The following PTPRG variants were observed in gnomAD, a reference collection of about 807,000 sequenced individuals.
PTPRG encodes protein tyrosine phosphatase receptor type G, also known as receptor-type tyrosine-protein phosphatase gamma.
In PTPRG, 102 loss-of-function variants were observed where a neutral mutation model predicts 165.3. The ratio of observed to expected loss-of-function variants is 0.62; its 90% CI spans 0.53 to 0.73. The LOEUF is 0.73. Ranked by LOEUF, PTPRG falls within the 30% of genes least tolerant of loss-of-function variation. The pLI, the probability that PTPRG is intolerant of heterozygous loss-of-function variation, is 0.00. For missense variants in PTPRG, 1,866 were observed against 1,861.4 expected (o/e 1.00, Z -0.05); for synonymous variants, 675 against 669.5 (o/e 1.01, Z -0.13).
At chr3:61,663,272 A>T (rs1702716527) in intron 1 of PTPRG, among the ~76,000 whole-genome samples, 2 of 152,234 alleles carry the variant, frequency 1.3e-5, no homozygotes, top group African/African-American at 4.8e-5. Flanking sequence ...CCATGAAGGT[A>T]GGGACATGTC....
chr3:61,868,992 G>A (rs2037486717), intron 2 of PTPRG, among the ~76,000 whole-genome samples: 1 of 151,810 alleles, frequency 6.6e-6, no homozygotes, highest in Admixed American at 6.6e-5. Context: ...TGGTGAGTGA[G>A]TCTGGTCTTC....
intron 26 of PTPRG, among the ~76,000 whole-genome samples, chr3:62,279,053 A>G (rs1191285460): frequency 6.6e-6 from 1 of 152,062 alleles, no homozygotes; most frequent in African/African-American, 2.4e-5. Context: ...TCAGAAGGCT[A>G]GATTAGAATC....
intron 2 of PTPRG, among the ~76,000 whole-genome samples, chr3:61,936,678 G>A (rs2039492992): frequency 6.6e-6 from 1 of 152,144 alleles, no homozygotes; most frequent in South Asian, 2.1e-4. Flanking sequence ...TATGAAAGGG[G>A]ATCATCGCTT....
intron 2 of PTPRG, among the ~76,000 whole-genome samples, chr3:61,783,575 A>G (rs974114552): frequency 6.6e-6 from 1 of 152,030 alleles, no homozygotes; most frequent in Non-Finnish European, 1.5e-5. Context: ...TGTCTGGGTG[A>G]TATGTGTGCT....
At chr3:61,880,622 C>CA (rs35846878) in intron 2 of PTPRG, among the ~76,000 whole-genome samples, 19,563 of 79,942 alleles carry the variant, frequency 0.24, 2,472 homozygotes, top group East Asian at 0.53. Flanking sequence ...AACCCTGTCT[C>CA]AAAAAAAAAA....
At chr3:61,677,673 G>A (rs1442482120) in intron 1 of PTPRG, among the ~76,000 whole-genome samples, 2 of 152,108 alleles carry the variant, frequency 1.3e-5, no homozygotes, top group African/African-American at 2.4e-5. Context: ...AAATTTTGCC[G>A]ATTTTCTATT....
chr3:62,199,873 G>A (rs1333517488), intron 10 of PTPRG, among the ~76,000 whole-genome samples: 1 of 152,134 alleles, frequency 6.6e-6, no homozygotes, highest in East Asian at 1.9e-4. Context: ...CCGATGAAGG[G>A]ATAAACAAAA....
At chr3:61,857,560 A>G (rs766578930) in intron 2 of PTPRG, among the ~76,000 whole-genome samples, 22 of 152,136 alleles carry the variant, frequency 1.4e-4, no homozygotes, top group Non-Finnish European at 2.9e-4. Context: ...GTGACTCGAT[A>G]ATTATTTTAT....
At chr3:61,883,233 T>C (rs932732758) in intron 2 of PTPRG, among the ~76,000 whole-genome samples, 1 of 152,216 alleles carries the variant, frequency 6.6e-6, no homozygotes, top group Non-Finnish European at 1.5e-5. Flanking sequence ...AATTATTTGC[T>C]GAACACCATG....
chr3:61,924,797 A>C (rs923158217), intron 2 of PTPRG, among the ~76,000 whole-genome samples: 6 of 152,234 alleles, frequency 3.9e-5, no homozygotes, highest in African/African-American at 1.4e-4. Context: ...GTAGTAAAAA[A>C]GCAACTGTTG....
intron 2 of PTPRG, among the ~76,000 whole-genome samples, chr3:61,956,292 T>TCA (rs2040028460): frequency 8.9e-6 from 1 of 112,518 alleles, no homozygotes; most frequent in Non-Finnish European, 1.9e-5. Flanking sequence ...TCTCTCTCTC[T>TCA]CTCACACACA....
chr3:62,271,619 G>T lies in PTPRG; in HGVS notation c.3182+64G>T, dbSNP rs1702070095. ...GGGGACTTAGGCCTCAGTGACCTTG[G>T]ACCACAATGATTGCTACTGCTTTCA... On this transcript the variant is annotated intron_variant, in intron 21 of 29. Coordinates refer to ENST00000474889, the MANE Select transcript of PTPRG (RefSeq NM_002841.4). This position sits in a 1 kb window ranked among gnomAD's most constrained non-coding sequence, Gnocchi z 4.1. The T allele has an allele frequency of 1.4e-6, 2 of 1,445,574 alleles. No homozygotes were observed. Among genetic ancestry groups the T allele is most frequent in the South Asian group, 1.3e-5 (1 of 74,554 alleles). The allele number at this position is 1,445,574 out of a possible 1,614,324, so 89.5% of individuals were successfully genotyped here. A position where few individuals can be genotyped will look rare whatever the true frequency, so the allele number is the denominator to read the frequency against.
chr3:61,847,043 G>A (rs1018952300), intron 2 of PTPRG, among the ~76,000 whole-genome samples: 1 of 152,254 alleles, frequency 6.6e-6, no homozygotes, highest in South Asian at 2.1e-4. Flanking sequence ...TTCGGTGTTT[G>A]GAGTGGAGTT....
intron 3 of PTPRG, among the ~76,000 whole-genome samples, chr3:61,992,110 A>C (rs1429523213): frequency 6.6e-6 from 1 of 152,202 alleles, no homozygotes; most frequent in Non-Finnish European, 1.5e-5. Flanking sequence ...CTCTCATACA[A>C]CTTATTACTG....
At chr3:62,086,667 G>C (rs1701762795) in intron 5 of PTPRG, among the ~76,000 whole-genome samples, 1 of 152,030 alleles carries the variant, frequency 6.6e-6, no homozygotes, top group African/African-American at 2.4e-5. Flanking sequence ...GAATGTTTTG[G>C]GTTGATTAAG....
At chr3:61,588,003 C>T (rs2106814635) in intron 1 of PTPRG, among the ~76,000 whole-genome samples, 1 of 151,894 alleles carries the variant, frequency 6.6e-6, no homozygotes, top group African/African-American at 2.4e-5. Context: ...GATCCAAATC[C>T]ATGATCACCG....
At chr3:61,680,516 A>C (rs1162730593) in intron 1 of PTPRG, among the ~76,000 whole-genome samples, 4 of 146,466 alleles carry the variant, frequency 2.7e-5, no homozygotes, top group South Asian at 2.3e-4. Flanking sequence ...AAAAAAAAAA[A>C]AACACAAAAA....
intron 4 of PTPRG, among the ~76,000 whole-genome samples, chr3:62,077,912 C>T (rs1419750661): frequency 2.6e-5 from 4 of 151,030 alleles, no homozygotes; most frequent in African/African-American, 7.3e-5. Context: ...GCAGGAGAAT[C>T]GCTTGAACCT....
intron 2 of PTPRG, among the ~76,000 whole-genome samples, chr3:61,885,404 G>GT (rs11304471): frequency 3.4e-4 from 50 of 147,452 alleles, no homozygotes; most frequent in African/African-American, 4.7e-4. Context: ...CACTGTCGGT[G>GT]TTTTTTTTTT....
Sources: allele counts gnomAD v4.1 joint callset (sites outside exome capture counted in the v4.1 genomes callset), GRCh38; gene constraint gnomAD v4.1.1; non-coding constraint Gnocchi (gnomAD v3.1); transcripts MANE v1.5; gene names NCBI Gene and HGNC (gene_info 2026-07-23, HGNC 2026-07-21).